Variants in STK32B observed in about 807,000 individuals in gnomAD.
The protein encoded by STK32B is serine/threonine-protein kinase 32B.
A neutral mutation model predicts 52.6 loss-of-function variants in STK32B; 43 were observed. The ratio of observed to expected loss-of-function variants is 0.82; its 90% confidence interval spans 0.64 to 1.05. The LOEUF is 1.05. STK32B is among the 50% of genes least tolerant of loss of function. STK32B has a pLI of 0.00. For synonymous variants in STK32B, 238 were observed against 204.3 expected (o/e 1.17, Z -1.41); for missense variants, 621 against 534.6 (o/e 1.16, Z -1.59).
rs183582787 is a variant in STK32B at position 5,305,367 on chromosome 4, A to G, written c.261-25853A>G. Among the ~76,000 whole-genome samples, 9 of 152,010 alleles carry G rather than the reference A, an allele frequency of 5.9e-5. No homozygotes were observed. In the East Asian group the frequency reaches 9.7e-4, roughly 16 times the overall value. On this transcript the variant is annotated intron_variant, in intron 3 of 11. Coordinates refer to ENST00000282908, the MANE Select transcript of STK32B (RefSeq NM_018401.3). ...TTTTAATTACCATTTCAATCTCACTATGTGTTATCGATCTGTTTAGGGTTT... is the reference window on the plus strand; with the variant it reads ...TTTTAATTACCATTTCAATCTCACTGTGTGTTATCGATCTGTTTAGGGTTT...
At chr4:5,166,267 C>A (rs570433647) in intron 2 of STK32B, among the ~76,000 whole-genome samples, 12 of 151,856 alleles carry the variant, frequency 7.9e-5, no homozygotes, top group Non-Finnish European at 1.3e-4. Flanking sequence ...GCTGGGGAGG[C>A]AGAGAGCCTG....
rs148363856 is a variant in STK32B at position 5,256,213 on chromosome 4, C to T, written c.261-75007C>T. ...CACAGTTATCAGTGGCCTCTGATCA[C>T]CACATGGCACTTGCAGATGTTTCAT... On this transcript the variant is annotated intron_variant, in intron 3 of 11. Transcript: ENST00000282908. 1.0e-3 allele frequency among the ~76,000 whole-genome samples: 153 copies of T among 152,306 alleles called. 1 individual carries two copies. Among genetic ancestry groups the T allele is most frequent in the African/African-American group, 3.6e-3 (149 of 41,572 alleles).
intron 4 of STK32B, among the ~76,000 whole-genome samples, chr4:5,379,252 C>T (rs1402683845): frequency 6.6e-6 from 1 of 152,120 alleles, no homozygotes; most frequent in African/African-American, 2.4e-5. Context: ...GGCTGCCCTT[C>T]CCCACATTGC....
Position 5,073,598 on chromosome 4 carries a change from G to A in STK32B, c.52+21683G>A, listed in dbSNP as rs149008709. On this transcript the variant is annotated intron_variant, in intron 1 of 11. Transcript: ENST00000282908. ...CTTAATTACTTCCTATGGATTCAAAGTTTTATCATATATCATTTGTCTTCA... is the reference window on the plus strand; with the variant it reads ...CTTAATTACTTCCTATGGATTCAAAATTTTATCATATATCATTTGTCTTCA... 1.1e-3 allele frequency among the ~76,000 whole-genome samples: 163 copies of A among 151,986 alleles called. 3 individuals carry two copies. The East Asian group carries it at 0.03, about 28-fold the overall frequency.
intron 1 of STK32B, among the ~76,000 whole-genome samples, chr4:5,134,231 TTA>T (rs1204648241): frequency 6.6e-6 from 1 of 152,162 alleles, no homozygotes; most frequent in Non-Finnish European, 1.5e-5. Context: ...TCCCCAAAGT[TTA>T]TGTGTTGGAA....
chr4:5,250,195 G>A (rs939435627), intron 3 of STK32B, among the ~76,000 whole-genome samples: 1 of 151,816 alleles, frequency 6.6e-6, no homozygotes, highest in Admixed American at 6.6e-5. Flanking sequence ...CTTTGCTATT[G>A]TGAATAGTGC....
At chr4:5,250,592 C>T (rs565996751) in intron 3 of STK32B, among the ~76,000 whole-genome samples, 3 of 152,114 alleles carry the variant, frequency 2.0e-5, no homozygotes, top group South Asian at 2.1e-4. Flanking sequence ...GGATTACAGG[C>T]GTGAGCCACC....
chr4:5,072,200 C>G (rs1560136718), intron 1 of STK32B, among the ~76,000 whole-genome samples: 1 of 152,146 alleles, frequency 6.6e-6, no homozygotes, highest in Admixed American at 6.6e-5. Flanking sequence ...ACACTGACAA[C>G]TCTGTCTTTG....
chr4:5,378,502 T>C lies in STK32B; in HGVS notation c.435-19705T>C, dbSNP rs1476984285. Among the ~76,000 whole-genome samples, 1 of 152,234 alleles carries C rather than the reference T, an allele frequency of 6.6e-6. No homozygotes were observed. Among genetic ancestry groups the C allele is most frequent in the Non-Finnish European group, 1.5e-5 (1 of 68,048 alleles). ...TACATTTGAACTTGTTTATTTCTAA[T>C]TCCTATGCCCTTTATCTTTCTGTTT... is the stretch of plus-strand genomic sequence containing the variant. On this transcript the variant is annotated intron_variant, in intron 4 of 11. Transcript: ENST00000282908. This position sits in a 1 kb window ranked among gnomAD's most constrained non-coding sequence, Gnocchi z 4.4.
intron 3 of STK32B, among the ~76,000 whole-genome samples, chr4:5,289,891 G>A (rs556853181): frequency 1.2e-4 from 18 of 151,774 alleles, no homozygotes; most frequent in East Asian, 5.8e-4. Flanking sequence ...TCAGGGATAC[G>A]TGTGCAGGTT....
At chr4:5,404,746 C>A (rs559642964) in intron 5 of STK32B, among the ~76,000 whole-genome samples, 2 of 151,834 alleles carry the variant, frequency 1.3e-5, no homozygotes, top group South Asian at 4.2e-4. Flanking sequence ...TCTGTGATGA[C>A]CTTATTTCCA....
chr4:5,133,550 C>G (rs1263242430), intron 1 of STK32B, among the ~76,000 whole-genome samples: 1 of 152,226 alleles, frequency 6.6e-6, no homozygotes, highest in Non-Finnish European at 1.5e-5. Context: ...CAGCAATGAA[C>G]AAGACTGTGG....
intron 2 of STK32B, among the ~76,000 whole-genome samples, chr4:5,156,226 T>C (rs1717831078): frequency 6.6e-6 from 1 of 151,846 alleles, no homozygotes; most frequent in African/African-American, 2.4e-5. Flanking sequence ...ACATATAGCG[T>C]ATACACATAC....
chr4:5,020,079 C>A, the STK32B span, among the ~76,000 whole-genome samples: 1 of 152,168 alleles, frequency 6.6e-6, no homozygotes, highest in Non-Finnish European at 1.5e-5. Context: ...CACTGAGCGG[C>A]CGTATGTGTG....
At chr4:5,298,792 G>T (rs1277281612) in intron 3 of STK32B, among the ~76,000 whole-genome samples, 1 of 151,612 alleles carries the variant, frequency 6.6e-6, no homozygotes, top group Non-Finnish European at 1.5e-5. Flanking sequence ...TTCCAGGGGA[G>T]TGAATGGTTC....
intron 1 of STK32B, among the ~76,000 whole-genome samples, chr4:5,062,577 G>A (rs1560132213): frequency 6.6e-6 from 1 of 152,128 alleles, no homozygotes; most frequent in Non-Finnish European, 1.5e-5. Flanking sequence ...CACAATCTCA[G>A]CTCCCATTGC....
At chr4:5,495,599 C>T (rs1720162076) in intron 11 of STK32B, among the ~76,000 whole-genome samples, 1 of 152,206 alleles carries the variant, frequency 6.6e-6, no homozygotes, top group Admixed American at 6.5e-5. Context: ...CTCCCTCCAG[C>T]TTTGTTCCGT....
At chr4:5,246,167 T>G (rs960041904) in intron 3 of STK32B, among the ~76,000 whole-genome samples, 1 of 152,218 alleles carries the variant, frequency 6.6e-6, no homozygotes, top group Non-Finnish European at 1.5e-5. Flanking sequence ...CTGCAGAGTG[T>G]TTTCCAAGTT....
chr4:5,443,745 G>A (rs909101912), intron 6 of STK32B, among the ~76,000 whole-genome samples: 1 of 151,934 alleles, frequency 6.6e-6, no homozygotes, highest in African/African-American at 2.4e-5. Flanking sequence ...TCTACTTTTG[G>A]TCTTTGATGA....
Sources: gnomAD v4.1 joint callset for allele counts (sites outside exome capture counted in the v4.1 genomes callset) on GRCh38, gnomAD v4.1.1 for gene constraint, Gnocchi (gnomAD v3.1) non-coding constraint, MANE v1.5 for transcripts, NCBI Gene and HGNC (gene_info 2026-07-23, HGNC 2026-07-21) for gene names.